LHX9: variants seen among roughly 807,000 people sequenced by gnomAD.
The protein encoded by LHX9 is LIM homeobox 9, also known as LIM/homeobox protein Lhx9.
In LHX9, 9 loss-of-function variants were observed where a neutral mutation model predicts 36.5. The observed-to-expected ratio is 0.25, with a 90% CI of 0.15 to 0.43. The LOEUF (loss-of-function observed/expected upper bound fraction) is 0.43, where lower values mean the gene tolerates loss of function less well. Among genes scored for constraint, LHX9 ranks in the 20% least tolerant of loss-of-function variants. The pLI, the probability that LHX9 is intolerant of heterozygous loss-of-function variation, is 1.00. For missense variants in LHX9, 464 were observed against 526.4 expected, an observed-to-expected ratio of 0.88 and a Z score of 1.16; for synonymous variants, 211 against 212.1, an observed-to-expected ratio of 0.99 and a Z score of 0.04.
At position 197,934,653 on chromosome 1, in the gene LHX9, C is replaced by T. The variant is rs1054662093; in HGVS notation, c.*5394C>T. ...CTTTGAAAGCATATATATAGATAAA[C>T]TCTGGATTGGTCTTTTAGATCTGTT... On this transcript the variant is annotated 3_prime_UTR_variant, in exon 5 of 5. Coordinates refer to ENST00000367387, the MANE Select transcript of LHX9 (RefSeq NM_020204.3). 5 of 151,972 alleles carry T rather than the reference C, an allele frequency of 3.3e-5. No homozygotes were observed. Among genetic ancestry groups the T allele is most frequent in the African/African-American group, 1.2e-4 (5 of 41,376 alleles). The allele number at this position is 151,972 out of a possible 1,614,324, so 9.4% of individuals were successfully genotyped here.
Position 197,930,449 on chromosome 1 carries a change from G to T in LHX9, c.*1190G>T, listed in dbSNP as rs991197825. The stretch of plus-strand genomic sequence containing the variant: ...TTAAGCTAAAATCTTAATGGTCTGG[G>T]CAGTGGTGAATGTTCATCTATTACG... On this transcript the variant is annotated 3_prime_UTR_variant, in exon 5 of 5. Transcript: ENST00000367387. 6.6e-6 allele frequency: 1 copy of T among 151,874 alleles called. No individual in the cohort carries two copies. Among genetic ancestry groups the T allele is most frequent in the African/African-American group, 2.4e-5 (1 of 41,392 alleles). 9.4% of individuals were successfully genotyped at this position (151,874 alleles called of 1,614,324 possible).
chr1:197,913,883 T>G (rs1659680656), upstream of LHX9, among the ~76,000 whole-genome samples: 1 of 152,230 alleles, frequency 6.6e-6, no homozygotes, highest in Non-Finnish European at 1.5e-5. Flanking sequence ...TCTCAAAATA[T>G]GCACATTTGT....
At position 197,927,881 on chromosome 1, in the gene LHX9, A is replaced by G. The variant is rs189135495; in HGVS notation, c.936+88A>G. 20 of 1,134,468 alleles carry G rather than the reference A, an allele frequency of 1.8e-5. No homozygotes were observed. In the East Asian group the frequency reaches 3.4e-4, roughly 19 times the overall value. 70.3% of individuals were successfully genotyped at this position (1,134,468 alleles called of 1,614,324 possible). A position where few individuals can be genotyped will look rare whatever the true frequency, so the allele number is the denominator to read the frequency against. On this transcript the variant is annotated intron_variant, in intron 4 of 4. Transcript: ENST00000367387. ...CTCTTCCCTGGTTAGAGTGACGCAG[A>G]TATTTCCTATATTGCTTCTTACTAG...
upstream of LHX9, chr1:197,917,264 C>G (rs921383238): frequency 8.2e-7 from 1 of 1,217,954 alleles, no homozygotes; most frequent in Non-Finnish European, 1.0e-6. Flanking sequence ...TCTTTGTTGT[C>G]TGAATAAAAA....
chr1:197,921,723 C>G lies in LHX9; in HGVS notation c.733+64C>G. The stretch of plus-strand genomic sequence containing the variant: ...TCCCTGAGGAAAATTCGTAGAGCTC[C>G]TTCCCCGTCCAAAGTCTTGCTGCAA... On this transcript the variant is annotated intron_variant, in intron 3 of 4. Transcript: ENST00000367387. The surrounding 1 kb of genome is among the most constrained non-coding windows in gnomAD (Gnocchi z 4.6). 1 of 1,326,236 alleles carries G rather than the reference C, an allele frequency of 7.5e-7. No homozygotes were observed. The highest frequency in any genetic ancestry group is 1.0e-6 in the Non-Finnish European group (1 of 983,670). 82.2% of individuals were successfully genotyped at this position (1,326,236 alleles called of 1,614,324 possible).
intron 3 of LHX9, among the ~76,000 whole-genome samples, chr1:197,923,495 CAGAGAGAGAG>C (rs148599324): frequency 1.4e-5 from 2 of 147,666 alleles, no homozygotes; most frequent in African/African-American, 2.5e-5. Context: ...CCCTAATTCC[CAGAGAGAGAG>C]AGAGAGAGAG....
At position 197,927,480 on chromosome 1, in the gene LHX9, A is replaced by G. The variant is rs879420119; in HGVS notation, c.734-111A>G. 8.5e-5 allele frequency: 77 copies of G among 903,164 alleles called. No homozygotes were observed. In the Admixed American group the frequency reaches 1.4e-3, roughly 16 times the overall value. 55.9% of individuals were successfully genotyped at this position (903,164 alleles called of 1,614,324 possible). A position where few individuals can be genotyped will look rare whatever the true frequency, so the allele number is the denominator to read the frequency against. ...GATACTACTCATAATTGGGTTGACAACCTTTTTCACTGCTGCTTTATTACC... is the reference window on the plus strand; with the variant it reads ...GATACTACTCATAATTGGGTTGACAGCCTTTTTCACTGCTGCTTTATTACC... On this transcript the variant is annotated intron_variant, in intron 3 of 4. Coordinates refer to ENST00000367387, the MANE Select transcript of LHX9 (RefSeq NM_020204.3).
upstream of LHX9, among the ~76,000 whole-genome samples, chr1:197,914,679 G>C (rs111694034): frequency 0.041 from 6,163 of 152,136 alleles, 180 homozygotes; most frequent in African/African-American, 0.079. Context: ...CCATGGGGAC[G>C]TATTTCCGCA....
chr1:197,926,950 A>C (rs1181449874), intron 3 of LHX9, among the ~76,000 whole-genome samples: 4 of 152,314 alleles, frequency 2.6e-5, no homozygotes, highest in African/African-American at 9.6e-5. Context: ...AAATTCACAA[A>C]TTTTGAATTT....
chr1:197,919,090 A>G (rs1335707326), intron 1 of LHX9, among the ~76,000 whole-genome samples: 1 of 152,216 alleles, frequency 6.6e-6, no homozygotes, highest in African/African-American at 2.4e-5. Flanking sequence ...TCGTGAGGGA[A>G]ATGTCCGGAG....
intron 3 of LHX9, among the ~76,000 whole-genome samples, chr1:197,925,438 T>C (rs531450243): frequency 1.3e-5 from 2 of 152,186 alleles, no homozygotes; most frequent in African/African-American, 4.8e-5. Context: ...TTCAATTTGA[T>C]GTATTGTTCA....
chr1:197,923,408 C>T (rs946123349), intron 3 of LHX9, among the ~76,000 whole-genome samples: 1 of 151,894 alleles, frequency 6.6e-6, no homozygotes, highest in Non-Finnish European at 1.5e-5. Context: ...GCGTGGTCCC[C>T]GGGGCAGGGC....
rs751207957 is a variant in LHX9 at position 197,921,424 on chromosome 1, G to A, written c.498G>A (p.Lys166=). ...GCTTCACCTGCTCCACTTGCAACAA[G>A]ACTCTGACCACGGGCGACCATTTCG... ...LSCFTCSTCN[K]TLTTGDHFGM... is the part of the protein sequence containing the mutation. Residue 166 remains lysine, a synonymous_variant, in exon 3 of 5, where the codon AAG becomes AAA. Transcript: ENST00000367387. The surrounding 1 kb of genome is among the most constrained non-coding windows in gnomAD (Gnocchi z 4.6). 5 of 1,614,216 alleles carry A rather than the reference G, an allele frequency of 3.1e-6. No individual in the cohort carries two copies. Among genetic ancestry groups the A allele is most frequent in the Non-Finnish European group, 4.2e-6 (5 of 1,180,052 alleles).
chr1:197,926,383 A>C (rs1451082405), intron 3 of LHX9, among the ~76,000 whole-genome samples: 3 of 152,202 alleles, frequency 2.0e-5, no homozygotes, highest in Non-Finnish European at 4.4e-5. Context: ...AAATTTATAT[A>C]ACTATCTGAA....
upstream of LHX9, chr1:197,916,885 T>C: frequency 1.5e-6 from 1 of 655,334 alleles, no homozygotes; most frequent in Non-Finnish European, 2.8e-6. Context: ...TTTATGCATT[T>C]CGGGTGACAG....
rs1660403751 is a variant in LHX9, at chr1:197,934,475, A to T, written c.*5216A>T. ...TATGAAGTTTTGCTATTTAAATTTT[A>T]ACTATGTTATAAACAAAGCTAGCTT... On this transcript the variant is annotated 3_prime_UTR_variant, in exon 5 of 5. Transcript: ENST00000367387. 1 of 152,196 alleles carries T rather than the reference A, an allele frequency of 6.6e-6. No individual in the cohort carries two copies. Among genetic ancestry groups the T allele is most frequent in the Non-Finnish European group, 1.5e-5 (1 of 68,022 alleles). 9.4% of individuals were successfully genotyped at this position (152,196 alleles called of 1,614,324 possible).
In LHX9 at chr1:197,932,059, TA is replaced by T. The variant is rs1660343637; in HGVS notation, c.*2806del. The T allele has an allele frequency of 4.3e-6, 4 of 937,272 alleles. No individual in the cohort carries two copies. The Admixed American group carries it at 8.9e-5, about 21-fold the overall frequency. The allele number at this position is 937,272 out of a possible 1,614,324, so 58.1% of individuals were successfully genotyped here. On this transcript the variant is annotated 3_prime_UTR_variant, in exon 5 of 5. Coordinates refer to ENST00000367387, the MANE Select transcript of LHX9 (RefSeq NM_020204.3). ...CTATTAGGTTATGATAATCATACAT[TA>T]AAAAATTTATTAAGCCAAAAAAAAA...
Position 197,935,054 on chromosome 1 carries a change from T to A in LHX9, c.*5795T>A, listed in dbSNP as rs373234643. 19 of 152,258 alleles carry A rather than the reference T, an allele frequency of 1.2e-4. No homozygotes were observed. The highest frequency in any genetic ancestry group is 4.6e-4 in the African/African-American group (19 of 41,546). The allele number at this position is 152,258 out of a possible 1,614,324, so 9.4% of individuals were successfully genotyped here. On this transcript the variant is annotated 3_prime_UTR_variant, in exon 5 of 5. Transcript: ENST00000367387. ...GAAAAGTCTATGAATATGATGTAAG[T>A]AGTAACATTATTGCCACAACTAAAT...
At position 197,917,554 on chromosome 1, in the gene LHX9, C is replaced by T. The variant is rs1270666531; in HGVS notation, c.-270C>T. 6.8e-7 allele frequency: 1 copy of T among 1,473,246 alleles called. No individual in the cohort carries two copies. Among genetic ancestry groups the T allele is most frequent in the Non-Finnish European group, 9.1e-7 (1 of 1,099,576 alleles). The allele number at this position is 1,473,246 out of a possible 1,614,324, so 91.3% of individuals were successfully genotyped here. A position where few individuals can be genotyped will look rare whatever the true frequency, so the allele number is the denominator to read the frequency against. On this transcript the variant is annotated 5_prime_UTR_variant, in exon 1 of 5. Transcript: ENST00000367387. ...GATCTCTCAGAGCAGTAAGATTCGCCTTCTACGCCTCTTTTTCCCTCCGCC... is the reference window on the plus strand; with the variant it reads ...GATCTCTCAGAGCAGTAAGATTCGCTTTCTACGCCTCTTTTTCCCTCCGCC...
Sources: allele counts gnomAD v4.1 joint callset (sites outside exome capture counted in the v4.1 genomes callset), GRCh38; gene constraint gnomAD v4.1.1; non-coding constraint Gnocchi (gnomAD v3.1); transcripts MANE v1.5; gene names NCBI Gene and HGNC (gene_info 2026-07-23, HGNC 2026-07-21).